PTPRD: variants seen among roughly 807,000 people sequenced by gnomAD.
PTPRD encodes receptor-type tyrosine-protein phosphatase delta.
Under a neutral mutation model 214.5 loss-of-function variants are expected in PTPRD, and 34 were observed. That is an observed-to-expected ratio of 0.16 (90% CI 0.12 to 0.21). PTPRD has a LOEUF of 0.21. Ranked by LOEUF, PTPRD falls within the 10% of genes least tolerant of loss-of-function variation. The probability of loss-of-function intolerance (pLI) is 1.00; values close to 1 mark genes in which losing one functional copy is unlikely to be tolerated. For synonymous variants in PTPRD, 1,128 were observed against 845.7 expected, an observed-to-expected ratio of 1.33 and a Z score of -5.79; for missense variants, 2,545 against 2,398.7, an observed-to-expected ratio of 1.06 and a Z score of -1.27.
intron 10 of PTPRD, among the ~76,000 whole-genome samples, chr9:9,056,218 C>T (rs1440781111): frequency 2.6e-5 from 4 of 152,096 alleles, no homozygotes; most frequent in African/African-American, 9.7e-5. Flanking sequence ...GCTAACTTTA[C>T]AAGGAATAAT....
At chr9:10,207,528 T>C (rs1366313844) in intron 3 of PTPRD, among the ~76,000 whole-genome samples, 1 of 152,000 alleles carries the variant, frequency 6.6e-6, no homozygotes, top group African/African-American at 2.4e-5. Context: ...CTAAAATATA[T>C]AATGCACTAA....
chr9:8,857,441 C>T (rs1029522226), intron 11 of PTPRD, among the ~76,000 whole-genome samples: 1 of 152,142 alleles, frequency 6.6e-6, no homozygotes, highest in East Asian at 1.9e-4. Flanking sequence ...GTGAACCCAG[C>T]AGGAGAGGAC....
intron 8 of PTPRD, among the ~76,000 whole-genome samples, chr9:9,461,434 G>A (rs2093646369): frequency 6.6e-6 from 1 of 151,884 alleles, no homozygotes; most frequent in Non-Finnish European, 1.5e-5. Flanking sequence ...CCTCTCTCAA[G>A]TCAAGTAGCC....
chr9:8,323,211 C>G (rs75407405), intron 44 of PTPRD, among the ~76,000 whole-genome samples: 1 of 152,114 alleles, frequency 6.6e-6, no homozygotes, highest in Non-Finnish European at 1.5e-5. Context: ...CAAGATAATA[C>G]TGCTCATTGA....
At chr9:8,691,223 G>GA (rs1456192969) in intron 12 of PTPRD, among the ~76,000 whole-genome samples, 6 of 150,432 alleles carry the variant, frequency 4.0e-5, no homozygotes, top group Admixed American at 1.3e-4. Context: ...AGGGAGAAGA[G>GA]AAAAAAAAAG....
chr9:9,389,125 T>C (rs1471112782), intron 9 of PTPRD, among the ~76,000 whole-genome samples: 5 of 152,190 alleles, frequency 3.3e-5, no homozygotes, highest in African/African-American at 4.8e-5. Flanking sequence ...GTGGTGAGGA[T>C]TAAATTTGAT....
intron 11 of PTPRD, among the ~76,000 whole-genome samples, chr9:8,865,488 T>G (rs1352480620): frequency 6.6e-6 from 1 of 152,180 alleles, no homozygotes; most frequent in Non-Finnish European, 1.5e-5. Flanking sequence ...GATACATCAC[T>G]GTCTTTATAA....
In PTPRD at chr9:10,035,612, T is replaced by A. The variant is rs528378325; in HGVS notation, c.-544-1822A>T. Among the ~76,000 whole-genome samples, 125 of 152,176 alleles carry A rather than the reference T, an allele frequency of 8.2e-4. No homozygotes were observed. The Middle Eastern group carries it at 0.058, about 70-fold the overall frequency. On this transcript the variant is annotated intron_variant, in intron 3 of 45. Transcript: ENST00000381196. ...ATTTCTGGCTCTTCTTACTTCCCTA[T>A]CTAGGTTGACGCTTGGTCTACCTCT...
intron 8 of PTPRD, among the ~76,000 whole-genome samples, chr9:9,537,955 C>G (rs866632140): frequency 6.6e-6 from 1 of 151,768 alleles, no homozygotes; most frequent in Non-Finnish European, 1.5e-5. Flanking sequence ...TCCTTATCCT[C>G]ATTCGTTCTG....
intron 30 of PTPRD, among the ~76,000 whole-genome samples, chr9:8,472,658 AT>A (rs1167279826): frequency 1.3e-5 from 2 of 152,170 alleles, no homozygotes; most frequent in African/African-American, 2.4e-5. Context: ...CTCAGTAATA[AT>A]TTTTAAAATA....
chr9:10,276,226 C>T (rs545676436), intron 3 of PTPRD, among the ~76,000 whole-genome samples: 4 of 152,316 alleles, frequency 2.6e-5, no homozygotes, highest in Non-Finnish European at 4.4e-5. Flanking sequence ...CCAGCCATTG[C>T]TTTCATTTGC....
intron 2 of PTPRD, among the ~76,000 whole-genome samples, chr9:10,398,293 A>C (rs1013228205): frequency 6.6e-6 from 1 of 151,766 alleles, no homozygotes; most frequent in Non-Finnish European, 1.5e-5. Flanking sequence ...ATTGGGAAAA[A>C]TTGCTTGAGT....
At chr9:9,751,969 A>G (rs1267010307) in intron 6 of PTPRD, among the ~76,000 whole-genome samples, 1 of 152,148 alleles carries the variant, frequency 6.6e-6, no homozygotes, top group African/African-American at 2.4e-5. Flanking sequence ...ATTTTGAAAC[A>G]TAACCATTTG....
intron 11 of PTPRD, among the ~76,000 whole-genome samples, chr9:8,736,639 G>C (rs925600488): frequency 6.6e-6 from 1 of 151,358 alleles, no homozygotes; most frequent in Non-Finnish European, 1.5e-5. Flanking sequence ...TAAGCGGTTT[G>C]AATGCAGGAA....
chr9:10,054,653 GA>G (rs2097589264), intron 3 of PTPRD, among the ~76,000 whole-genome samples: 1 of 152,116 alleles, frequency 6.6e-6, no homozygotes, highest in Admixed American at 6.6e-5. Context: ...TTCACTGGGA[GA>G]GTAGGAGTCT....
At chr9:9,430,770 T>G (rs922499456) in intron 8 of PTPRD, among the ~76,000 whole-genome samples, 2 of 152,130 alleles carry the variant, frequency 1.3e-5, no homozygotes, top group Non-Finnish European at 2.9e-5. Context: ...CCATCTGATC[T>G]TTGACAAATC....
chr9:9,278,082 T>C (rs1033158080), intron 9 of PTPRD, among the ~76,000 whole-genome samples: 2 of 151,378 alleles, frequency 1.3e-5, no homozygotes, highest in Admixed American at 6.6e-5. Context: ...TTAAAGGTGG[T>C]TGTATGCTTT....
intron 39 of PTPRD, among the ~76,000 whole-genome samples, chr9:8,367,677 T>G (rs984686074): frequency 3.9e-5 from 6 of 152,224 alleles, no homozygotes; most frequent in African/African-American, 7.2e-5. Flanking sequence ...TGTTTTCTAC[T>G]CTTCTGAATC....
chr9:8,720,560 C>A (rs549588002), intron 12 of PTPRD, among the ~76,000 whole-genome samples: 1 of 152,272 alleles, frequency 6.6e-6, no homozygotes, highest in African/African-American at 2.4e-5. Context: ...ATCTTGAAAG[C>A]AGACCTTACT....
Sources: gnomAD v4.1 joint callset for allele counts (sites outside exome capture counted in the v4.1 genomes callset) on GRCh38, gnomAD v4.1.1 for gene constraint, MANE v1.5 for transcripts, NCBI Gene and HGNC (gene_info 2026-07-23, HGNC 2026-07-21) for gene names.